The following BCKDHB variants were observed in gnomAD, a reference collection of about 807,000 sequenced individuals.
BCKDHB encodes branched chain keto acid dehydrogenase E1 subunit beta, also known as 2-oxoisovalerate dehydrogenase subunit beta, mitochondrial.
BCKDHB carries 41 observed loss-of-function variants against 48.5 expected under a neutral mutation model. The ratio of observed to expected loss-of-function variants is 0.85; its 90% CI spans 0.66 to 1.10. The LOEUF (loss-of-function observed/expected upper bound fraction) is 1.10. BCKDHB is among the 50% of genes least tolerant of loss of function. The pLI, the probability that BCKDHB is intolerant of heterozygous loss-of-function variation, is 0.00. For synonymous variants in BCKDHB, 201 were observed against 174.8 expected, an observed-to-expected ratio of 1.15 and a Z score of -1.18; for missense variants, 496 against 494.2, an observed-to-expected ratio of 1.00 and a Z score of -0.03.
chr6:80,147,637 G>A (rs533737382), intron 3 of BCKDHB, among the ~76,000 whole-genome samples: 3 of 152,254 alleles, frequency 2.0e-5, no homozygotes, highest in South Asian at 2.1e-4. Flanking sequence ...GAGTCCAGGC[G>A]TTGTGACCTT....
intron 8 of BCKDHB, among the ~76,000 whole-genome samples, chr6:80,249,303 A>T (rs1420133076): frequency 6.6e-6 from 1 of 152,110 alleles, no homozygotes; most frequent in South Asian, 2.1e-4. Context: ...GAGGAGCCAC[A>T]TTAACTTTTA....
chr6:80,282,824 A>T (rs1054416741), intron 9 of BCKDHB, among the ~76,000 whole-genome samples: 1 of 152,092 alleles, frequency 6.6e-6, no homozygotes, highest in East Asian at 1.9e-4. Flanking sequence ...AATAATTAAA[A>T]GCTTTATTAT....
At chr6:80,212,870 C>G (rs1775003458) in intron 8 of BCKDHB, among the ~76,000 whole-genome samples, 3 of 152,282 alleles carry the variant, frequency 2.0e-5, no homozygotes, top group African/African-American at 7.2e-5. Flanking sequence ...TCAAGACTTC[C>G]TTTCACCTTT....
chr6:80,169,943 A>G (rs1772819172), intron 5 of BCKDHB: 1 of 1,466,756 alleles, frequency 6.8e-7, no homozygotes, highest in Non-Finnish European at 9.0e-7. Flanking sequence ...ATTAATTCAC[A>G]TTTAATATTT....
chr6:80,437,577 CT>C, the BCKDHB span, among the ~76,000 whole-genome samples: 1 of 152,152 alleles, frequency 6.6e-6, no homozygotes, highest in East Asian at 1.9e-4. Context: ...CTGCAGTGTT[CT>C]CACAAAAAAA....
At chr6:80,235,920 C>T (rs542656785) in intron 8 of BCKDHB, among the ~76,000 whole-genome samples, 1 of 152,262 alleles carries the variant, frequency 6.6e-6, no homozygotes, top group South Asian at 2.1e-4. Flanking sequence ...GGGAATGGCT[C>T]TCATTAGCTT....
the BCKDHB span, among the ~76,000 whole-genome samples, chr6:80,452,453 T>C: frequency 6.6e-6 from 1 of 152,226 alleles, no homozygotes; most frequent in South Asian, 2.1e-4. Context: ...TCAATGTAGA[T>C]GCAGGGGATA....
chr6:80,330,337 A>G (rs569084385), intron 9 of BCKDHB, among the ~76,000 whole-genome samples: 3 of 152,212 alleles, frequency 2.0e-5, no homozygotes, highest in South Asian at 2.1e-4. Context: ...TTGCTGACAT[A>G]TATATATATT....
At chr6:80,351,554 T>G in the BCKDHB span, among the ~76,000 whole-genome samples, 1 of 151,876 alleles carries the variant, frequency 6.6e-6, no homozygotes, top group African/African-American at 2.4e-5. Flanking sequence ...TTGGCCACTG[T>G]GACTGGTGAA....
Position 80,173,680 on chromosome 6 carries a change from G to A in BCKDHB, c.742+2290G>A, listed in dbSNP as rs142686633. Among the ~76,000 whole-genome samples the A allele has an allele frequency of 1.7e-3, 265 of 152,206 alleles. 1 individual carries two copies. The highest frequency in any genetic ancestry group is 6.0e-3 in the African/African-American group (251 of 41,550). On this transcript the variant is annotated intron_variant, in intron 6 of 9. Transcript: ENST00000320393. ...TCTGAAACAATAGCTGATGTTGCCT[G>A]TGTCCATTTATCTTATTTTATTCTT...
At chr6:80,357,645 G>C in the BCKDHB span, among the ~76,000 whole-genome samples, 3 of 152,184 alleles carry the variant, frequency 2.0e-5, no homozygotes, top group Non-Finnish European at 4.4e-5. Flanking sequence ...CTGCTGAAAA[G>C]TGCAGATAAT....
At chr6:80,241,158 T>G (rs1393861405) in intron 8 of BCKDHB, among the ~76,000 whole-genome samples, 1 of 152,154 alleles carries the variant, frequency 6.6e-6, no homozygotes, top group Non-Finnish European at 1.5e-5. Context: ...GTCTAATCTT[T>G]TTTCAAGGTT....
At chr6:80,151,419 C>CTTTTTTTTTTTTTTTTTTTT (rs529086862) in intron 3 of BCKDHB, among the ~76,000 whole-genome samples, 1 of 142,370 alleles carries the variant, frequency 7.0e-6, no homozygotes, top group African/African-American at 2.6e-5. Context: ...TTAAAACTAA[C>CTTTTTTTTTTTTTTTTTTTT]TTTTTTTTTT....
chr6:80,169,757 T>C, intron 5 of BCKDHB: 5 of 1,533,052 alleles, frequency 3.3e-6, no homozygotes, highest in Non-Finnish European at 4.4e-6. Context: ...ATGAATTGAT[T>C]GTGAGCATGT....
At chr6:80,201,226 G>T (rs923365490) in intron 7 of BCKDHB, among the ~76,000 whole-genome samples, 195 bp downstream of exon 7, 2 of 152,014 alleles carry the variant, frequency 1.3e-5, no homozygotes, top group South Asian at 2.1e-4. Context: ...TATCTTCAAG[G>T]TATATATGTG....
the BCKDHB span, among the ~76,000 whole-genome samples, chr6:80,397,177 A>G: frequency 2.0e-5 from 3 of 152,310 alleles, no homozygotes; most frequent in African/African-American, 7.2e-5. Context: ...AGTGGGAAAT[A>G]TACTGGTCTA....
At chr6:80,228,541 A>G (rs919349221) in intron 8 of BCKDHB, among the ~76,000 whole-genome samples, 2 of 152,228 alleles carry the variant, frequency 1.3e-5, no homozygotes, top group African/African-American at 4.8e-5. Context: ...TCAGGTGCCT[A>G]AAACAGCAGC....
chr6:80,296,218 A>G (rs1333205601), intron 9 of BCKDHB, among the ~76,000 whole-genome samples: 1 of 152,190 alleles, frequency 6.6e-6, no homozygotes, highest in African/African-American at 2.4e-5. Flanking sequence ...GCACCTGTCA[A>G]AGTCTTATAG....
At chr6:80,401,927 C>A in the BCKDHB span, among the ~76,000 whole-genome samples, 4 of 151,470 alleles carry the variant, frequency 2.6e-5, no homozygotes, top group East Asian at 7.7e-4. Context: ...TTTCCTTTTT[C>A]TTTTTAAAAG....
Sources: gnomAD v4.1 joint callset for allele counts (sites outside exome capture counted in the v4.1 genomes callset) on GRCh38, gnomAD v4.1.1 for gene constraint, MANE v1.5 for transcripts, NCBI Gene and HGNC (gene_info 2026-07-23, HGNC 2026-07-21) for gene names.